LCOR: variants seen among roughly 807,000 people sequenced by gnomAD.
The protein encoded by LCOR is ligand-dependent corepressor.
A neutral mutation model predicts 64.4 loss-of-function variants in LCOR; 14 were observed. The observed-to-expected ratio is 0.22, with a 90% CI of 0.14 to 0.34. LCOR has a LOEUF of 0.34. LCOR is among the 10% of genes least tolerant of loss of function. The pLI, the probability that LCOR is intolerant of heterozygous loss-of-function variation, is 1.00. For missense variants in LCOR, 1,686 were observed against 1,765.3 expected, an observed-to-expected ratio of 0.96 and a Z score of 0.80; for synonymous variants, 643 against 642.5, an observed-to-expected ratio of 1.00 and a Z score of -0.01.
intron 2 of LCOR, among the ~76,000 whole-genome samples, chr10:96,877,596 GA>G (rs1218153705): frequency 2.7e-4 from 28 of 104,634 alleles, no homozygotes; most frequent in Admixed American, 5.4e-4. Context: ...TCATTTTTCT[GA>G]ATTTTTTTTT....
Position 96,985,280 on chromosome 10 carries a change from A to G in LCOR, c.*146A>G, listed in dbSNP as rs1023022012. The G allele has an allele frequency of 1.3e-5, 13 of 1,011,726 alleles. No individual in the cohort carries two copies. The highest frequency in any genetic ancestry group is 1.5e-5 in the Non-Finnish European group (11 of 732,746). The allele number at this position is 1,011,726 out of a possible 1,614,324, so 62.7% of individuals were successfully genotyped here. A position where few individuals can be genotyped will look rare whatever the true frequency, so the allele number is the denominator to read the frequency against. The stretch of plus-strand genomic sequence containing the variant: ...CGTAATTTGAGATGTCAGAAAATGC[A>G]TCTCAGATGGAGAAGGGAACTTGCA... On this transcript the variant is annotated 3_prime_UTR_variant, in exon 8 of 8. Transcript: ENST00000421806.
At chr10:96,895,398 G>T (rs922853952) in intron 2 of LCOR, among the ~76,000 whole-genome samples, 2 of 152,128 alleles carry the variant, frequency 1.3e-5, no homozygotes, top group Non-Finnish European at 1.5e-5. Flanking sequence ...CCTCTATGGG[G>T]TCACTACCCT....
At position 96,932,608 on chromosome 10, in the gene LCOR, C is replaced by T. The variant is rs185941005; in HGVS notation, c.-183-11505C>T. 4.7e-4 allele frequency among the ~76,000 whole-genome samples: 72 copies of T among 152,164 alleles called. 1 individual carries two copies. The highest frequency in any genetic ancestry group is 6.8e-3 in the Middle Eastern group (2 of 294). On this transcript the variant is annotated intron_variant, in intron 4 of 7. Coordinates refer to ENST00000421806, the MANE Select transcript of LCOR (RefSeq NM_001346516.2). ...CCTCCCGAGTAGCTGGGACTACAGG[C>T]GCACGCCACCACACCTGGCTAATTT...
chr10:96,956,080 A>C, intron 7 of LCOR: 2 of 1,433,422 alleles, frequency 1.4e-6, no homozygotes, highest in Non-Finnish European at 1.8e-6. Flanking sequence ...GTGCATTCTG[A>C]ATGTTGCATA....
chr10:96,912,636 C>CTTCCTTCCTTCT (rs765957316), intron 4 of LCOR, among the ~76,000 whole-genome samples: 10 of 150,480 alleles, frequency 6.6e-5, no homozygotes, highest in African/African-American at 2.4e-4. Context: ...TCCTTCCTTC[C>CTTCCTTCCTTCT]TTCCTTCCTT....
intron 2 of LCOR, among the ~76,000 whole-genome samples, chr10:96,901,801 G>A (rs964259999): frequency 2.0e-4 from 31 of 151,618 alleles, no homozygotes; most frequent in South Asian, 2.1e-4. Context: ...CAATGGTCTC[G>A]CTCTGTTGCC....
At chr10:96,838,697 G>C (rs972072306) in intron 2 of LCOR, among the ~76,000 whole-genome samples, 28 of 152,298 alleles carry the variant, frequency 1.8e-4, no homozygotes, top group Non-Finnish European at 1.8e-4. Context: ...GCATTGTGTG[G>C]ACATACCACA....
intron 2 of LCOR, among the ~76,000 whole-genome samples, chr10:96,840,365 C>A (rs1287355934): frequency 6.6e-6 from 1 of 152,118 alleles, no homozygotes; most frequent in East Asian, 1.9e-4. Context: ...GTGAATTTTA[C>A]ATAGTAAAAA....
At chr10:96,967,206 T>TG (rs1351452421) in intron 7 of LCOR, among the ~76,000 whole-genome samples, 1 of 152,198 alleles carries the variant, frequency 6.6e-6, no homozygotes, top group Non-Finnish European at 1.5e-5. Context: ...CTCGGCTCAC[T>TG]GTAACCTCCA....
At position 96,832,299 on chromosome 10, in the gene LCOR, G is replaced by A. The variant is rs1170675016; in HGVS notation, c.-504G>A. 3.1e-6 allele frequency: 3 copies of A among 981,838 alleles called. No individual in the cohort carries two copies. The highest frequency in any genetic ancestry group is 1.8e-5 in the African/African-American group (1 of 56,950). 60.8% of individuals were successfully genotyped at this position (981,838 alleles called of 1,614,324 possible). On this transcript the variant is annotated 5_prime_UTR_variant, in exon 1 of 8. Coordinates refer to ENST00000421806, the MANE Select transcript of LCOR (RefSeq NM_001346516.2). ...CGGAGGCTGGGCCGGGCGGGCGGCA[G>A]AAGATGGCGAGGGTGTGTAGGCGGC...
chr10:96,902,270 G>A (rs995861387), intron 2 of LCOR, among the ~76,000 whole-genome samples: 10 of 152,080 alleles, frequency 6.6e-5, no homozygotes, highest in African/African-American at 2.4e-4. Flanking sequence ...CTTCTCTTTG[G>A]TATATCTGGC....
chr10:96,914,802 A>G (rs1454164299), intron 4 of LCOR, among the ~76,000 whole-genome samples: 1 of 152,226 alleles, frequency 6.6e-6, no homozygotes, highest in Admixed American at 6.5e-5. Flanking sequence ...AAATGGCAGT[A>G]TTTATCTGAA....
chr10:96,941,722 A>AC (rs1332548731), intron 4 of LCOR, among the ~76,000 whole-genome samples: 1 of 149,610 alleles, frequency 6.7e-6, no homozygotes, highest in African/African-American at 2.5e-5. Flanking sequence ...CTCACTTCTC[A>AC]GACGGGGCGG....
At chr10:96,916,322 C>T (rs1473812820) in intron 4 of LCOR, among the ~76,000 whole-genome samples, 2 of 151,744 alleles carry the variant, frequency 1.3e-5, no homozygotes, top group Non-Finnish European at 2.9e-5. Context: ...TGAGCCACCA[C>T]ACCCGGCCCC....
At chr10:96,849,727 A>G (rs116737182) in intron 2 of LCOR, among the ~76,000 whole-genome samples, 4,226 of 152,258 alleles carry the variant, frequency 0.028, 200 homozygotes, top group African/African-American at 0.096. Flanking sequence ...TCTTTTCTAT[A>G]TATGCCCAGA....
chr10:96,880,006 C>A (rs549618061), intron 2 of LCOR, among the ~76,000 whole-genome samples: 13 of 152,322 alleles, frequency 8.5e-5, no homozygotes, highest in Admixed American at 7.2e-4. Flanking sequence ...TGGCATGTTA[C>A]AAGAAGTATT....
At chr10:96,914,499 T>C (rs527901782) in intron 4 of LCOR, among the ~76,000 whole-genome samples, 8 of 152,368 alleles carry the variant, frequency 5.3e-5, no homozygotes, top group African/African-American at 1.9e-4. Flanking sequence ...GCCTGGCCTT[T>C]ATTGCTATTT....
intron 2 of LCOR, among the ~76,000 whole-genome samples, chr10:96,884,014 T>A (rs1481979643): frequency 6.6e-6 from 1 of 151,568 alleles, no homozygotes; most frequent in Admixed American, 6.6e-5. Context: ...TATAACATAT[T>A]TCAAATGTTT....
chr10:96,850,870 C>A (rs1845711394), intron 2 of LCOR, among the ~76,000 whole-genome samples: 1 of 152,200 alleles, frequency 6.6e-6, no homozygotes, highest in African/African-American at 2.4e-5. Context: ...GCCTGTAATG[C>A]TGATGAAACA....
Sources: gnomAD v4.1 joint callset for allele counts (sites outside exome capture counted in the v4.1 genomes callset) on GRCh38, gnomAD v4.1.1 for gene constraint, MANE v1.5 for transcripts, NCBI Gene and HGNC (gene_info 2026-07-23, HGNC 2026-07-21) for gene names.